Variants in COL25A1 observed in about 807,000 individuals in gnomAD.
The protein encoded by COL25A1 is collagen type XXV alpha 1 chain.
Under a neutral mutation model 128.4 loss-of-function variants are expected in COL25A1, and 103 were observed. That is an observed-to-expected ratio of 0.80 (90% CI 0.68 to 0.94). The LOEUF (loss-of-function observed/expected upper bound fraction) is 0.94. Among genes scored for constraint, COL25A1 ranks in the 40% least tolerant of loss-of-function variants. The pLI is 0.00. For missense variants in COL25A1, 745 were observed against 840.0 expected (o/e 0.89, Z 1.40); for synonymous variants, 279 against 277.2 (o/e 1.01, Z -0.06).
chr4:109,133,464 A>ATATCCACAG (rs1348690983), intron 3 of COL25A1, among the ~76,000 whole-genome samples: 1 of 152,154 alleles, frequency 6.6e-6, no homozygotes, highest in Admixed American at 6.5e-5. Context: ...AAGGAAAAAA[A>ATATCCACAG]TATCCACAGT....
intron 15 of COL25A1, 139 bp downstream of exon 15, chr4:108,899,015 C>A: frequency 3.1e-6 from 2 of 641,302 alleles, no homozygotes; most frequent in South Asian, 2.2e-5. Context: ...ATCTATATAC[C>A]TACCTACCTA....
chr4:108,959,313 A>G (rs1210422576), intron 8 of COL25A1, among the ~76,000 whole-genome samples: 3 of 152,122 alleles, frequency 2.0e-5, no homozygotes, highest in Non-Finnish European at 2.9e-5. Context: ...GCCCAATATT[A>G]GCAACTAATC....
chr4:109,003,558 C>T (rs541423757), intron 6 of COL25A1, among the ~76,000 whole-genome samples: 12 of 152,258 alleles, frequency 7.9e-5, no homozygotes, highest in African/African-American at 2.4e-4. Flanking sequence ...CCCAGCACTT[C>T]AGGAGGCCAA....
At chr4:109,218,360 T>TTTTTTTGTTG (rs1778178809) in intron 3 of COL25A1, among the ~76,000 whole-genome samples, 1 of 116,656 alleles carries the variant, frequency 8.6e-6, no homozygotes, top group African/African-American at 4.1e-5. Context: ...TTTTGGGGTT[T>TTTTTTTGTTG]TTTTTTTTTT....
At chr4:108,919,916 C>T (rs1218945062) in intron 12 of COL25A1, among the ~76,000 whole-genome samples, 1 of 152,058 alleles carries the variant, frequency 6.6e-6, no homozygotes, top group Non-Finnish European at 1.5e-5. Context: ...GCGTGTGCCA[C>T]CACACCCAGC....
chr4:108,977,252 G>C (rs987729143), intron 6 of COL25A1, among the ~76,000 whole-genome samples: 5 of 152,272 alleles, frequency 3.3e-5, no homozygotes, highest in African/African-American at 1.2e-4. Context: ...GAGGGGCAGA[G>C]GGGACTAAGA....
At chr4:108,827,287 T>C (rs1479306477) in intron 32 of COL25A1, 99 bp from the exon 33 acceptor site, 4 of 1,018,854 alleles carry the variant, frequency 3.9e-6, no homozygotes, top group Non-Finnish European at 6.1e-6. Context: ...CAAGGACCAT[T>C]CTATGAAAAT....
At chr4:109,053,784 A>G (rs1034414698) in intron 3 of COL25A1, among the ~76,000 whole-genome samples, 1 of 152,230 alleles carries the variant, frequency 6.6e-6, no homozygotes, top group African/African-American at 2.4e-5. Flanking sequence ...AAGCATTTAG[A>G]GAAAAGTTTC....
chr4:108,957,117 T>TA (rs1250195287), intron 8 of COL25A1, among the ~76,000 whole-genome samples: 1 of 152,216 alleles, frequency 6.6e-6, no homozygotes, highest in East Asian at 1.9e-4. Context: ...AGGTAGGTTT[T>TA]ATCCCAAACA....
intron 3 of COL25A1, among the ~76,000 whole-genome samples, chr4:109,198,294 T>TCACACACACACACACACACACACA (rs112993547): frequency 4.2e-5 from 6 of 143,946 alleles, no homozygotes; most frequent in African/African-American, 7.7e-5. Context: ...GCATATTCAT[T>TCACACACACACACACACACACACA]CACACACACA....
At chr4:109,143,328 G>A (rs550285317) in intron 3 of COL25A1, among the ~76,000 whole-genome samples, 1 of 152,270 alleles carries the variant, frequency 6.6e-6, no homozygotes, top group South Asian at 2.1e-4. Context: ...CTTTCTGGCT[G>A]CCCTTAACGT....
intron 13 of COL25A1, among the ~76,000 whole-genome samples, chr4:108,901,930 T>G (rs979893904): frequency 6.6e-6 from 1 of 152,064 alleles, no homozygotes; most frequent in Non-Finnish European, 1.5e-5. Flanking sequence ...AAAGATACTT[T>G]GGGCCTTTAT....
At chr4:109,013,484 C>CCACGCTGTGTAGGCTTTGTTCTT (rs1561025473) in intron 5 of COL25A1, among the ~76,000 whole-genome samples, 1 of 151,080 alleles carries the variant, frequency 6.6e-6, no homozygotes, top group Admixed American at 6.6e-5. Flanking sequence ...GAGTCCCCTT[C>CCACGCTGTGTAGGCTTTGTTCTT]CACACTGTGT....
chr4:109,265,489 G>C (rs1332393649), intron 3 of COL25A1, among the ~76,000 whole-genome samples: 1 of 149,760 alleles, frequency 6.7e-6, no homozygotes, highest in Non-Finnish European at 1.5e-5. Context: ...ATCTATTCTT[G>C]CATGTGTTTT....
intron 17 of COL25A1, 64 bp from the exon 18 acceptor site, chr4:108,889,320 C>T (rs545678978): frequency 2.4e-5 from 36 of 1,511,334 alleles, no homozygotes; most frequent in South Asian, 2.4e-4. Context: ...ACACTTAGAC[C>T]TCTGGGCACC....
chr4:108,933,986 AT>A (rs1380210618), intron 11 of COL25A1, among the ~76,000 whole-genome samples: 1 of 152,172 alleles, frequency 6.6e-6, no homozygotes, highest in Non-Finnish European at 1.5e-5. Flanking sequence ...ATTACTGGGT[AT>A]ATACCCAAAG....
chr4:109,039,968 T>A (rs1348065734), intron 5 of COL25A1, among the ~76,000 whole-genome samples: 1 of 152,210 alleles, frequency 6.6e-6, no homozygotes, highest in Non-Finnish European at 1.5e-5. Flanking sequence ...TGTATATCTT[T>A]GAGGCCAAAG....
chr4:109,115,882 C>A (rs529566098), intron 3 of COL25A1, among the ~76,000 whole-genome samples: 1 of 151,934 alleles, frequency 6.6e-6, no homozygotes, highest in African/African-American at 2.4e-5. Flanking sequence ...CATGAAACAC[C>A]CCCTGCACCT....
intron 3 of COL25A1, among the ~76,000 whole-genome samples, chr4:109,223,854 C>A (rs1438499354): frequency 6.6e-6 from 1 of 152,148 alleles, no homozygotes; most frequent in Non-Finnish European, 1.5e-5. Flanking sequence ...GCATAGCATA[C>A]AAACTAGTGT....
Sources: allele counts gnomAD v4.1 joint callset (sites outside exome capture counted in the v4.1 genomes callset), GRCh38; gene constraint gnomAD v4.1.1; transcripts MANE v1.5; gene names NCBI Gene and HGNC (gene_info 2026-07-23, HGNC 2026-07-21).